Variants in GALNT2 observed in about 807,000 individuals in gnomAD.
GALNT2 encodes polypeptide N-acetylgalactosaminyltransferase 2.
In GALNT2, 31 loss-of-function variants were observed where a neutral mutation model predicts 81.4. That is an observed-to-expected ratio of 0.38 (90% CI 0.29 to 0.51). GALNT2 has a LOEUF of 0.51. Among genes scored for constraint, GALNT2 ranks in the 20% least tolerant of loss-of-function variants. The pLI, the probability that GALNT2 is intolerant of heterozygous loss-of-function variation, is 0.87. For synonymous variants in GALNT2, 303 were observed against 287.4 expected, an observed-to-expected ratio of 1.05 and a Z score of -0.55; for missense variants, 629 against 765.7, an observed-to-expected ratio of 0.82 and a Z score of 2.11.
intron 1 of GALNT2, among the ~76,000 whole-genome samples, chr1:230,142,340 T>C (rs1661770298): frequency 1.3e-5 from 2 of 152,108 alleles, no homozygotes; most frequent in African/African-American, 4.8e-5. Flanking sequence ...TCCAGGTGGC[T>C]CTTAGAGTGG....
intron 7 of GALNT2, among the ~76,000 whole-genome samples, chr1:230,244,661 A>G (rs1356991903): frequency 6.6e-6 from 1 of 152,208 alleles, no homozygotes; most frequent in Non-Finnish European, 1.5e-5. Flanking sequence ...AGAAAGTGCC[A>G]AGCCTATTAA....
At chr1:230,114,264 G>A (rs906442685) in intron 1 of GALNT2, among the ~76,000 whole-genome samples, 5 of 152,072 alleles carry the variant, frequency 3.3e-5, no homozygotes, top group Non-Finnish European at 7.4e-5. Context: ...AGGTTTAGTC[G>A]TTCCTTTCTC....
chr1:230,060,538 C>A (rs1384273528), intron 1 of GALNT2, among the ~76,000 whole-genome samples: 1 of 152,134 alleles, frequency 6.6e-6, no homozygotes. Context: ...CCACCACCCC[C>A]ACCCAGCAGT....
At chr1:230,100,414 C>T (rs1660369550) in intron 1 of GALNT2, among the ~76,000 whole-genome samples, 1 of 150,490 alleles carries the variant, frequency 6.6e-6, no homozygotes, top group Non-Finnish European at 1.5e-5. Flanking sequence ...GCAAACTCCG[C>T]CTCCGGGTTC....
intron 3 of GALNT2, among the ~76,000 whole-genome samples, chr1:230,216,913 AT>A (rs1664407392): frequency 6.6e-6 from 1 of 152,242 alleles, no homozygotes; most frequent in South Asian, 2.1e-4. Flanking sequence ...AATTCAAGTT[AT>A]TTAAAAAAGG....
At chr1:230,169,311 G>C (rs552401829) in intron 1 of GALNT2, among the ~76,000 whole-genome samples, 2 of 152,294 alleles carry the variant, frequency 1.3e-5, no homozygotes, top group East Asian at 3.9e-4. Context: ...AAGGGGATGG[G>C]ATAGAGTGGT....
chr1:230,070,152 G>A lies in GALNT2; in HGVS notation c.126+2746G>A, dbSNP rs1001835598. 4.6e-5 allele frequency among the ~76,000 whole-genome samples: 7 copies of A among 152,148 alleles called. No individual in the cohort carries two copies. The highest frequency in any genetic ancestry group is 1.4e-4 in the African/African-American group (6 of 41,410). ...AATCTCAGGCACTGCCGCACAACTC[G>A]GGACTCAACACCCAGGCTCAGGACA... On this transcript the variant is annotated intron_variant, in intron 1 of 15. Coordinates refer to ENST00000366672, the MANE Select transcript of GALNT2 (RefSeq NM_004481.5). This position sits in a 1 kb window ranked among gnomAD's most constrained non-coding sequence, Gnocchi z 4.7.
At chr1:230,101,204 T>G (rs1660392624) in intron 1 of GALNT2, among the ~76,000 whole-genome samples, 1 of 152,252 alleles carries the variant, frequency 6.6e-6, no homozygotes, top group Non-Finnish European at 1.5e-5. Context: ...TGACTGGATA[T>G]ACACATACAC....
intron 3 of GALNT2, among the ~76,000 whole-genome samples, chr1:230,213,107 A>G (rs1322129640): frequency 6.6e-6 from 1 of 152,218 alleles, no homozygotes; most frequent in Non-Finnish European, 1.5e-5. Context: ...CAAAAGCACA[A>G]TGATGCTAAA....
intron 1 of GALNT2, among the ~76,000 whole-genome samples, chr1:230,164,473 T>C (rs1662536704): frequency 6.6e-6 from 1 of 151,844 alleles, no homozygotes; most frequent in South Asian, 2.1e-4. Context: ...TCAGCAGGCT[T>C]GGCGGACTGC....
chr1:230,249,808 A>G (rs1221160414), intron 9 of GALNT2, among the ~76,000 whole-genome samples: 1 of 152,266 alleles, frequency 6.6e-6, no homozygotes, highest in Non-Finnish European at 1.5e-5. Flanking sequence ...TAGCATTCAC[A>G]GAGTACTTAG....
At chr1:230,076,929 C>T (rs1659581020) in intron 1 of GALNT2, among the ~76,000 whole-genome samples, 1 of 152,166 alleles carries the variant, frequency 6.6e-6, no homozygotes, top group Admixed American at 6.5e-5. Flanking sequence ...AGGGAGTGAA[C>T]TCTTTTCTTT....
chr1:230,120,041 A>G (rs551068243), intron 1 of GALNT2, among the ~76,000 whole-genome samples: 3 of 151,070 alleles, frequency 2.0e-5, no homozygotes, highest in Non-Finnish European at 4.4e-5. Flanking sequence ...GCGGTTCGCT[A>G]TTGGGCTCAG....
intron 14 of GALNT2, among the ~76,000 whole-genome samples, chr1:230,267,064 C>G (rs1666056895): frequency 6.6e-6 from 1 of 152,180 alleles, no homozygotes; most frequent in Non-Finnish European, 1.5e-5. Flanking sequence ...CTCTCTTCTC[C>G]TGATTCCCGG....
At position 230,139,502 on chromosome 1, in the gene GALNT2, A is replaced by G. The variant is rs913379922; in HGVS notation, c.127-38716A>G. On this transcript the variant is annotated intron_variant, in intron 1 of 15. Coordinates refer to ENST00000366672, the MANE Select transcript of GALNT2 (RefSeq NM_004481.5). Reference sequence around the variant, plus strand: ...ACGCCTCACTCCTCCTGCCCCATGAAGGGAGGACGGTTATTCTGCAGCAGG... The same window carrying G: ...ACGCCTCACTCCTCCTGCCCCATGAGGGGAGGACGGTTATTCTGCAGCAGG... Among the ~76,000 whole-genome samples the G allele has an allele frequency of 3.3e-5, 5 of 152,142 alleles. No homozygotes were observed. In the East Asian group the frequency reaches 5.8e-4, roughly 18 times the overall value.
chr1:230,255,349 G>C lies in GALNT2; in HGVS notation c.1136+5G>C. 1 of 1,614,272 alleles carries C rather than the reference G, an allele frequency of 6.2e-7. No individual in the cohort carries two copies. The highest frequency in any genetic ancestry group is 8.5e-7 in the Non-Finnish European group (1 of 1,180,054). On this transcript the variant is annotated splice_donor_5th_base_variant and intron_variant, in intron 11 of 15. Coordinates refer to ENST00000366672, the MANE Select transcript of GALNT2 (RefSeq NM_004481.5). ...CAGTGGCACTGTCTTTGCCCGGTAA[G>C]TAGTGAAAGGCTGAGCGGGGTCCAA...
chr1:230,236,818 T>G (rs2102736516), intron 6 of GALNT2, 93 bp downstream of exon 6: 1 of 1,272,320 alleles, frequency 7.9e-7, no homozygotes, highest in Non-Finnish European at 1.1e-6. Context: ...GAGCAATTAA[T>G]TGTCTAGCTT....
intron 6 of GALNT2, among the ~76,000 whole-genome samples, chr1:230,242,310 C>T (rs1665226484): frequency 6.6e-6 from 1 of 152,104 alleles, no homozygotes; most frequent in Admixed American, 6.5e-5. Flanking sequence ...AGTTGTTTTG[C>T]AATTATCACA....
chr1:230,073,247 C>G (rs971223561), intron 1 of GALNT2, among the ~76,000 whole-genome samples: 2 of 152,188 alleles, frequency 1.3e-5, no homozygotes, highest in African/African-American at 2.4e-5. Flanking sequence ...GATTCCTTTA[C>G]CTTGGCCCTG....
Sources: gnomAD v4.1 joint callset for allele counts (sites outside exome capture counted in the v4.1 genomes callset) on GRCh38, gnomAD v4.1.1 for gene constraint, Gnocchi (gnomAD v3.1) non-coding constraint, MANE v1.5 for transcripts, NCBI Gene and HGNC (gene_info 2026-07-23, HGNC 2026-07-21) for gene names.